Variants in CDH2 observed in about 807,000 individuals in gnomAD.
CDH2 encodes cadherin-2.
Under a neutral mutation model 92.0 loss-of-function variants are expected in CDH2, and 17 were observed. That is an observed-to-expected ratio of 0.18 (90% CI 0.13 to 0.28). The LOEUF is 0.28. Among genes scored for constraint, CDH2 ranks in the 10% least tolerant of loss-of-function variants. The probability of loss-of-function intolerance (pLI) is 1.00; values close to 1 mark genes in which losing one functional copy is unlikely to be tolerated. For synonymous variants in CDH2, 419 were observed against 415.9 expected, an observed-to-expected ratio of 1.01 and a Z score of -0.09; for missense variants, 862 against 1,133.1, an observed-to-expected ratio of 0.76 and a Z score of 3.44.
intron 7 of CDH2, among the ~76,000 whole-genome samples, chr18:28,000,891 A>G (rs2012744137): frequency 6.6e-6 from 1 of 152,142 alleles, no homozygotes; most frequent in Admixed American, 6.5e-5. Context: ...TGTGAATTCT[A>G]ATAGAAATAA....
intron 1 of CDH2, among the ~76,000 whole-genome samples, chr18:28,164,921 A>G (rs2016356820): frequency 6.6e-6 from 1 of 152,214 alleles, no homozygotes; most frequent in South Asian, 2.1e-4. Context: ...GAGGATTGTT[A>G]AAATATTTGC....
At chr18:28,049,255 A>G (rs1167457316) in intron 2 of CDH2, among the ~76,000 whole-genome samples, 1 of 152,200 alleles carries the variant, frequency 6.6e-6, no homozygotes, top group Non-Finnish European at 1.5e-5. Flanking sequence ...AGTGCATTTC[A>G]AAAGCTTCCT....
At chr18:28,161,580 GAAAAAAAAAA>G (rs35615619) in intron 1 of CDH2, among the ~76,000 whole-genome samples, 4 of 49,788 alleles carry the variant, frequency 8.0e-5, no homozygotes, top group Admixed American at 4.6e-4. Context: ...ACCCTGTCTC[GAAAAAAAAAA>G]AAAAAAAAAA....
chr18:28,040,362 A>C (rs2144104489), intron 2 of CDH2, among the ~76,000 whole-genome samples: 1 of 152,312 alleles, frequency 6.6e-6, no homozygotes, highest in African/African-American at 2.4e-5. Flanking sequence ...ACATGGCAGT[A>C]CTCCAAAAAC....
chr18:28,023,791 T>A (rs1430229130), intron 2 of CDH2, among the ~76,000 whole-genome samples: 1 of 152,204 alleles, frequency 6.6e-6, no homozygotes. Flanking sequence ...AATAACTTTT[T>A]AAATTTAATA....
intron 2 of CDH2, among the ~76,000 whole-genome samples, chr18:28,054,014 G>C (rs1363600712): frequency 6.6e-6 from 1 of 152,130 alleles, no homozygotes; most frequent in East Asian, 1.9e-4. Context: ...GCATAACCTG[G>C]GGTCAGGTAC....
chr18:27,973,183 T>A (rs1475232986), intron 14 of CDH2, among the ~76,000 whole-genome samples: 1 of 151,966 alleles, frequency 6.6e-6, no homozygotes, highest in Non-Finnish European at 1.5e-5. Context: ...ACTCTAGGGA[T>A]CTCATCTACA....
At chr18:27,999,684 ATG>A (rs771361901) in intron 7 of CDH2, among the ~76,000 whole-genome samples, 33 of 149,200 alleles carry the variant, frequency 2.2e-4, no homozygotes, top group Middle Eastern at 3.6e-3. Flanking sequence ...ACATATATAT[ATG>A]TGTGTGTGTG....
chr18:28,147,855 T>C (rs2016062342), intron 1 of CDH2, 71 bp from the exon 2 acceptor site: 2 of 865,026 alleles, frequency 2.3e-6, no homozygotes, highest in Non-Finnish European at 3.7e-6. Flanking sequence ...AACATTCCAC[T>C]TGGCATAAAG....
At chr18:28,162,347 A>ATGTG (rs1236381893) in intron 1 of CDH2, among the ~76,000 whole-genome samples, 5 of 152,304 alleles carry the variant, frequency 3.3e-5, no homozygotes, top group African/African-American at 1.2e-4. Context: ...TGCTTGGAAC[A>ATGTG]GAAAGCCACA....
At chr18:28,072,293 C>G (rs185234077) in intron 2 of CDH2, among the ~76,000 whole-genome samples, 12 of 152,226 alleles carry the variant, frequency 7.9e-5, no homozygotes, top group Admixed American at 3.3e-4. Flanking sequence ...ACAACACTAG[C>G]CTTATGTGAC....
chr18:27,961,030 C>CAA (rs139161217), intron 15 of CDH2, among the ~76,000 whole-genome samples: 43 of 148,384 alleles, frequency 2.9e-4, no homozygotes, highest in African/African-American at 5.2e-4. Context: ...AAAAAAAGAA[C>CAA]AAAAAAAAAA....
chr18:28,048,755 C>T (rs2014130423), intron 2 of CDH2, among the ~76,000 whole-genome samples: 1 of 152,136 alleles, frequency 6.6e-6, no homozygotes, highest in Non-Finnish European at 1.5e-5. Flanking sequence ...AACAGGCAAA[C>T]ACTGCCAGCA....
At chr18:28,098,890 T>C (rs1478546708) in intron 2 of CDH2, among the ~76,000 whole-genome samples, 3 of 152,140 alleles carry the variant, frequency 2.0e-5, no homozygotes, top group Non-Finnish European at 2.9e-5. Flanking sequence ...AATTGGGGGT[T>C]ACAAATAAGT....
intron 2 of CDH2, among the ~76,000 whole-genome samples, chr18:28,065,023 A>C (rs775433500): frequency 6.6e-6 from 1 of 152,058 alleles, no homozygotes; most frequent in Non-Finnish European, 1.5e-5. Flanking sequence ...TACCATCATA[A>C]GATTTCTCAT....
intron 14 of CDH2, among the ~76,000 whole-genome samples, chr18:27,966,512 G>T (rs2143898310): frequency 6.6e-6 from 1 of 152,236 alleles, no homozygotes; most frequent in East Asian, 1.9e-4. Context: ...AAATAAAATT[G>T]CATTTTGATT....
chr18:28,151,429 C>T (rs1201292374), intron 1 of CDH2, among the ~76,000 whole-genome samples: 2 of 152,232 alleles, frequency 1.3e-5, no homozygotes, highest in Admixed American at 1.3e-4. Flanking sequence ...ATACAACACA[C>T]AGCACAGCAT....
At chr18:28,086,310 A>C (rs1402621016) in intron 2 of CDH2, among the ~76,000 whole-genome samples, 1 of 152,130 alleles carries the variant, frequency 6.6e-6, no homozygotes, top group African/African-American at 2.4e-5. Flanking sequence ...CTCTATAGTT[A>C]TTCAGTTATT....
chr18:27,966,444 TG>T (rs2011536310), intron 14 of CDH2, among the ~76,000 whole-genome samples: 1 of 152,200 alleles, frequency 6.6e-6, no homozygotes, highest in Admixed American at 6.5e-5. Flanking sequence ...ACTCCCTATC[TG>T]GGAAGAGCCA....
Sources: gnomAD v4.1 joint callset for allele counts (sites outside exome capture counted in the v4.1 genomes callset) on GRCh38, gnomAD v4.1.1 for gene constraint, MANE v1.5 for transcripts, NCBI Gene and HGNC (gene_info 2026-07-23, HGNC 2026-07-21) for gene names.